CNTNAP2: variants seen among roughly 807,000 people sequenced by gnomAD.
CNTNAP2 encodes contactin-associated protein-like 2.
Under a neutral mutation model 155.2 loss-of-function variants are expected in CNTNAP2, and 98 were observed. That is an observed-to-expected ratio of 0.63 (90% CI 0.54 to 0.75). The LOEUF (loss-of-function observed/expected upper bound fraction) is 0.75. Among genes scored for constraint, CNTNAP2 ranks in the 30% least tolerant of loss-of-function variants. The pLI is 0.00. For synonymous variants in CNTNAP2, 651 were observed against 631.2 expected, an observed-to-expected ratio of 1.03 and a Z score of -0.47; for missense variants, 1,727 against 1,688.1, an observed-to-expected ratio of 1.02 and a Z score of -0.40.
At chr7:146,728,332 G>C (rs1234859962) in intron 1 of CNTNAP2, among the ~76,000 whole-genome samples, 2 of 152,144 alleles carry the variant, frequency 1.3e-5, no homozygotes, top group African/African-American at 4.8e-5. Context: ...GTCACGGAAA[G>C]CTTGTATGAC....
At chr7:147,947,616 G>C (rs1387731258) in intron 14 of CNTNAP2, among the ~76,000 whole-genome samples, 1 of 151,968 alleles carries the variant, frequency 6.6e-6, no homozygotes, top group African/African-American at 2.4e-5. Context: ...GGGTGACAGA[G>C]AAAGACCCTG....
chr7:146,882,581 G>A (rs1795575317), intron 3 of CNTNAP2, among the ~76,000 whole-genome samples: 1 of 152,058 alleles, frequency 6.6e-6, no homozygotes. Context: ...TGCCATGATT[G>A]TGAGTTTCCT....
At chr7:147,957,489 A>G (rs1801037256) in intron 14 of CNTNAP2, among the ~76,000 whole-genome samples, 1 of 152,166 alleles carries the variant, frequency 6.6e-6, no homozygotes, top group Non-Finnish European at 1.5e-5. Flanking sequence ...AAGTTTGAAA[A>G]GATAATGACT....
intron 13 of CNTNAP2, chr7:147,849,753 A>G (rs1431838020): frequency 6.6e-6 from 1 of 152,234 alleles, no homozygotes; most frequent in Non-Finnish European, 1.5e-5. Context: ...CACCAAGGCC[A>G]CATTTGTGGT....
intron 2 of CNTNAP2, among the ~76,000 whole-genome samples, chr7:146,781,435 A>G (rs1188385360): frequency 6.6e-6 from 1 of 152,090 alleles, no homozygotes; most frequent in Non-Finnish European, 1.5e-5. Context: ...ACTGAAGTTC[A>G]TAATTGCCAC....
At chr7:148,114,828 C>G (rs1165881398) in intron 15 of CNTNAP2, among the ~76,000 whole-genome samples, 16 of 152,196 alleles carry the variant, frequency 1.1e-4, no homozygotes, top group Admixed American at 1.0e-3. Context: ...TAAAGGATAA[C>G]ATTTTTAAAA....
intron 15 of CNTNAP2, among the ~76,000 whole-genome samples, chr7:147,987,235 G>A (rs868051746): frequency 2.6e-5 from 4 of 152,170 alleles, no homozygotes; most frequent in African/African-American, 9.7e-5. Context: ...AGATTCCAGA[G>A]TGACTTTAAA....
At chr7:146,344,232 T>C (rs1194526044) in intron 1 of CNTNAP2, among the ~76,000 whole-genome samples, 1 of 152,168 alleles carries the variant, frequency 6.6e-6, no homozygotes, top group Non-Finnish European at 1.5e-5. Flanking sequence ...AACAGTGAGC[T>C]CTAAACTATC....
chr7:147,935,407 G>A (rs969306322), intron 14 of CNTNAP2, among the ~76,000 whole-genome samples: 2 of 152,194 alleles, frequency 1.3e-5, no homozygotes, highest in African/African-American at 4.8e-5. Flanking sequence ...TTACAGGCGT[G>A]AGCCACTGCG....
intron 11 of CNTNAP2, among the ~76,000 whole-genome samples, chr7:147,503,455 G>A (rs10236878): frequency 0.32 from 49,194 of 151,704 alleles, 8,211 homozygotes; most frequent in East Asian, 0.43. Flanking sequence ...GCTTTTGCAG[G>A]ACTCTCTACA....
chr7:146,274,896 A>G (rs1004145761), intron 1 of CNTNAP2, among the ~76,000 whole-genome samples: 1 of 151,946 alleles, frequency 6.6e-6, no homozygotes, highest in Non-Finnish European at 1.5e-5. Context: ...CAGTGAAATC[A>G]GTGGGAATCT....
chr7:146,489,200 C>G (rs1797102942), intron 1 of CNTNAP2, among the ~76,000 whole-genome samples: 1 of 152,056 alleles, frequency 6.6e-6, no homozygotes, highest in Admixed American at 6.6e-5. Flanking sequence ...TAAATATGTA[C>G]AAATATAATG....
At chr7:147,270,080 G>T (rs1406289407) in intron 8 of CNTNAP2, among the ~76,000 whole-genome samples, 1 of 151,956 alleles carries the variant, frequency 6.6e-6, no homozygotes, top group African/African-American at 2.4e-5. Context: ...AAATTAAAAA[G>T]AAGAATGAAA....
chr7:148,162,343 A>G (rs1045446364), intron 17 of CNTNAP2, among the ~76,000 whole-genome samples: 5 of 152,216 alleles, frequency 3.3e-5, no homozygotes, highest in African/African-American at 1.2e-4. Flanking sequence ...AAAGTTTACT[A>G]AAATAGCTGT....
chr7:147,542,522 G>A (rs1562988704), intron 11 of CNTNAP2, among the ~76,000 whole-genome samples: 1 of 152,126 alleles, frequency 6.6e-6, no homozygotes, highest in Non-Finnish European at 1.5e-5. Context: ...GAAGCTATTG[G>A]GACTTAAGCT....
At chr7:146,901,156 A>G (rs1585146336) in intron 3 of CNTNAP2, among the ~76,000 whole-genome samples, 1 of 152,212 alleles carries the variant, frequency 6.6e-6, no homozygotes, top group East Asian at 1.9e-4. Context: ...AATCCACTTA[A>G]TGCAAACAGC....
intron 12 of CNTNAP2, among the ~76,000 whole-genome samples, chr7:147,631,933 A>G (rs1795092793): frequency 6.6e-6 from 1 of 152,200 alleles, no homozygotes; most frequent in Non-Finnish European, 1.5e-5. Flanking sequence ...CAAAAATTTC[A>G]TGACAAAGCA....
chr7:147,088,186 T>G (rs11976920), intron 4 of CNTNAP2, among the ~76,000 whole-genome samples: 1,768 of 152,290 alleles, frequency 0.012, 20 homozygotes, highest in African/African-American at 0.033. Context: ...GAGGGAATGA[T>G]TTATCAAATC....
chr7:148,106,997 T>C (rs1371102565), intron 15 of CNTNAP2, among the ~76,000 whole-genome samples: 1 of 152,082 alleles, frequency 6.6e-6, no homozygotes, highest in Non-Finnish European at 1.5e-5. Flanking sequence ...GCATAAATAA[T>C]AGCCCCCCAA....
Sources: allele counts gnomAD v4.1 joint callset (sites outside exome capture counted in the v4.1 genomes callset), GRCh38; gene constraint gnomAD v4.1.1; transcripts MANE v1.5; gene names NCBI Gene and HGNC (gene_info 2026-07-23, HGNC 2026-07-21).